The following TXLNB variants were observed in gnomAD, a reference collection of about 807,000 sequenced individuals.
TXLNB encodes beta-taxilin.
Under a neutral mutation model 57.4 loss-of-function variants are expected in TXLNB, and 37 were observed. The observed-to-expected ratio is 0.64, with a 90% confidence interval of 0.50 to 0.85. TXLNB has a LOEUF of 0.85. Among genes scored for constraint, TXLNB ranks in the 40% least tolerant of loss-of-function variants. TXLNB has a pLI of 0.00. For missense variants in TXLNB, 848 were observed against 825.6 expected (o/e 1.03, Z -0.33); for synonymous variants, 302 against 309.6 (o/e 0.98, Z 0.26).
the TXLNB span, among the ~76,000 whole-genome samples, chr6:139,183,808 T>C: frequency 6.6e-6 from 1 of 151,958 alleles, no homozygotes; most frequent in Non-Finnish European, 1.5e-5. Context: ...CCACTGCTTA[T>C]ATACAGATGC....
chr6:139,210,310 T>C, the TXLNB span, among the ~76,000 whole-genome samples: 1 of 152,072 alleles, frequency 6.6e-6, no homozygotes, highest in Admixed American at 6.5e-5. Flanking sequence ...GGAGATCCCT[T>C]AAAGAACAAA....
chr6:139,289,476 C>T (rs1214232940), intron 1 of TXLNB, among the ~76,000 whole-genome samples: 1 of 152,210 alleles, frequency 6.6e-6, no homozygotes, highest in Non-Finnish European at 1.5e-5. Flanking sequence ...TAAACTGCTT[C>T]CTTCTTTAAC....
At chr6:139,299,085 A>T in the TXLNB span, among the ~76,000 whole-genome samples, 3 of 152,152 alleles carry the variant, frequency 2.0e-5, no homozygotes, top group African/African-American at 7.2e-5. Context: ...TAAATAAACA[A>T]CCCAGCCTCA....
intron 7 of TXLNB, among the ~76,000 whole-genome samples, chr6:139,254,456 C>A (rs1776284847): frequency 6.6e-6 from 1 of 152,156 alleles, no homozygotes; most frequent in African/African-American, 2.4e-5. Context: ...CTCCCTGTGA[C>A]CTCACAGTCC....
the TXLNB span, among the ~76,000 whole-genome samples, chr6:139,186,129 A>G: frequency 6.6e-6 from 1 of 152,232 alleles, no homozygotes; most frequent in Non-Finnish European, 1.5e-5. Flanking sequence ...ACAATTTGAT[A>G]TCCATATGCA....
the TXLNB span, among the ~76,000 whole-genome samples, chr6:139,323,282 GTTTTTTTTTT>G: frequency 5.2e-5 from 7 of 134,474 alleles, no homozygotes; most frequent in African/African-American, 1.9e-4. Flanking sequence ...AATTTGTTTA[GTTTTTTTTTT>G]TTTTTTTTGA....
chr6:139,319,762 C>A, the TXLNB span, among the ~76,000 whole-genome samples: 1 of 151,886 alleles, frequency 6.6e-6, no homozygotes, highest in African/African-American at 2.4e-5. Context: ...GAGACCCTGT[C>A]TCTAAAAAAA....
At chr6:139,237,733 G>C (rs892567716), downstream of TXLNB, among the ~76,000 whole-genome samples, 10 of 151,920 alleles carry the variant, frequency 6.6e-5, no homozygotes, top group African/African-American at 2.4e-4. Flanking sequence ...CTGAAATAAT[G>C]AGTTTTACAC....
the TXLNB span, chr6:139,174,665 T>A: frequency 2.2e-6 from 3 of 1,369,200 alleles, no homozygotes; most frequent in Non-Finnish European, 2.9e-6. Flanking sequence ...GAGTTACTAC[T>A]TGTAATGTAG....
At chr6:139,246,944 G>T (rs1206724872) in intron 8 of TXLNB, among the ~76,000 whole-genome samples, 1 of 151,530 alleles carries the variant, frequency 6.6e-6, no homozygotes, top group Non-Finnish European at 1.5e-5. Context: ...GATTCAGGAA[G>T]TTAAGTGAAT....
In TXLNB at chr6:139,288,841, T is replaced by C. The variant is rs766193124; in HGVS notation, c.59A>G (p.Asp20Gly). 5.6e-6 allele frequency: 9 copies of C among 1,614,106 alleles called. No homozygotes were observed. Among genetic ancestry groups the C allele is most frequent in the Admixed American group, 3.3e-5 (2 of 60,014 alleles). ...ATTGTGACTGGGTAATGATGAACTG[T>C]CACCTGGAGGTGTTGACTGTCGTTC... is the stretch of plus-strand genomic sequence containing the variant. ...SAERQSTPPG[D>G]SSSLPSHNGL... Residue 20 changes from aspartate (D) to glycine (G), a missense_variant, in exon 2 of 10, where the codon GAC becomes GGC. Physicochemically the swap from Asp to Gly is moderately conservative, Grantham distance 94. Coordinates refer to ENST00000358430, the MANE Select transcript of TXLNB (RefSeq NM_153235.4).
chr6:139,271,201 A>G (rs1583015957), intron 3 of TXLNB, among the ~76,000 whole-genome samples: 1 of 152,264 alleles, frequency 6.6e-6, no homozygotes, highest in African/African-American at 2.4e-5. Context: ...CCCTTCCACT[A>G]CCTAAGCATT....
chr6:139,228,934 C>G, the TXLNB span, among the ~76,000 whole-genome samples: 3 of 152,178 alleles, frequency 2.0e-5, no homozygotes, highest in African/African-American at 7.2e-5. Context: ...ACTAAATACT[C>G]TATCAAGTGT....
chr6:139,182,125 A>G, the TXLNB span, among the ~76,000 whole-genome samples: 2 of 152,218 alleles, frequency 1.3e-5, no homozygotes, highest in Non-Finnish European at 2.9e-5. Context: ...TCTTCAATTC[A>G]AATATCATTC....
At chr6:139,269,206 A>T (rs1397263795) in intron 4 of TXLNB, 3 of 152,260 alleles carry the variant, frequency 2.0e-5, no homozygotes, top group African/African-American at 7.2e-5. Flanking sequence ...TGACCAGCTG[A>T]ACATTCTGTC....
chr6:139,186,243 TATTAAA>T, the TXLNB span, among the ~76,000 whole-genome samples: 1 of 152,314 alleles, frequency 6.6e-6, no homozygotes, highest in South Asian at 2.1e-4. Flanking sequence ...GATTAGATGT[TATTAAA>T]ATTAAGAATT....
Position 139,242,567 on chromosome 6 carries a change from G to C in TXLNB, c.2014C>G (p.Pro672Ala). ...LPVGASAGPQ[P>A]RNVADTNLEG... Reference sequence around the variant, plus strand: ...AGATTGGTGTCAGCCACGTTGCGCGGCTGGGGCCCAGCTGAGGCCCCTACT... The same window carrying C: ...AGATTGGTGTCAGCCACGTTGCGCGCCTGGGGCCCAGCTGAGGCCCCTACT... The change falls in exon 10 of 10, where the codon CCG becomes GCG. Residue 672 changes from proline to alanine, a missense_variant. Physicochemically the swap from Pro to Ala is conservative, Grantham distance 27. Transcript: ENST00000358430. 1 of 1,518,502 alleles carries C rather than the reference G, an allele frequency of 6.6e-7. No homozygotes were observed. Among genetic ancestry groups the C allele is most frequent in the Non-Finnish European group, 8.8e-7 (1 of 1,136,278 alleles). The allele number at this position is 1,518,502 out of a possible 1,614,324, so 94.1% of individuals were successfully genotyped here.
chr6:139,231,193 A>C, the TXLNB span, among the ~76,000 whole-genome samples: 1 of 151,974 alleles, frequency 6.6e-6, no homozygotes, highest in Non-Finnish European at 1.5e-5. Context: ...AAGAACCTAC[A>C]CTCTCTACTT....
the TXLNB span, among the ~76,000 whole-genome samples, chr6:139,185,074 C>T: frequency 2.8e-4 from 43 of 152,160 alleles, no homozygotes; most frequent in African/African-American, 5.1e-4. Flanking sequence ...GAAGTAAAGC[C>T]GGGTGAAGCC....
Sources: allele counts gnomAD v4.1 joint callset (sites outside exome capture counted in the v4.1 genomes callset), GRCh38; gene constraint gnomAD v4.1.1; transcripts MANE v1.5; gene names NCBI Gene and HGNC (gene_info 2026-07-23, HGNC 2026-07-21).